FLYWCH1: variants seen among roughly 807,000 people sequenced by gnomAD.
FLYWCH1 encodes the protein FLYWCH-type zinc finger-containing protein 1.
Under a neutral mutation model 66.4 loss-of-function variants are expected in FLYWCH1, and 75 were observed. That is an observed-to-expected ratio of 1.13 (90% confidence interval 0.94 to 1.37). The LOEUF (loss-of-function observed/expected upper bound fraction) is 1.37, where lower values mean the gene tolerates loss of function less well. Ranked by LOEUF, FLYWCH1 falls within the 40% of genes most tolerant of loss-of-function variation. The probability of loss-of-function intolerance (pLI) is 0.00; values close to 1 mark genes in which losing one functional copy is unlikely to be tolerated. For missense variants in FLYWCH1, 1,334 were observed against 1,001.8 expected (o/e 1.33, Z -4.48); for synonymous variants, 595 against 429.9 (o/e 1.38, Z -4.75).
chr16:2,937,144 C>T lies in FLYWCH1; in HGVS notation c.1537C>T (p.Pro513Ser), dbSNP rs1402206915. Reference protein sequence around the residue: ...SPGGPEFLKTPLGGSFLVYES... With the variant: ...SPGGPEFLKTSLGGSFLVYES... ...AGGAGGCCCCGAGTTCCTGAAGACG[C>T]CCCTGGGGGGCAGCTTCCTGGTGTA... is the stretch of plus-strand genomic sequence containing the variant. The change falls in exon 7 of 10, where the codon CCC becomes TCC. Residue 513 changes from proline to serine, a missense_variant. By Grantham distance (74) the Pro-to-Ser change is moderately conservative (BLOSUM62 -1). Coordinates refer to ENST00000253928, the MANE Select transcript of FLYWCH1 (RefSeq NM_001308068.2). The T allele has an allele frequency of 6.2e-7, 1 of 1,608,630 alleles. No homozygotes were observed. The highest frequency in any genetic ancestry group is 2.2e-5 in the East Asian group (1 of 44,780).
At chr16:2,912,665 G>A (rs1471887575) in intron 1 of FLYWCH1, among the ~76,000 whole-genome samples, 1 of 152,168 alleles carries the variant, frequency 6.6e-6, no homozygotes, top group African/African-American at 2.4e-5. Context: ...AAAGGGAGAC[G>A]CTTGTTTAAG....
intron 9 of FLYWCH1, among the ~76,000 whole-genome samples, chr16:2,944,161 C>T (rs572271306): frequency 1.7e-4 from 26 of 151,854 alleles, no homozygotes; most frequent in Middle Eastern, 3.4e-3. Context: ...CTGAGGCGGG[C>T]GGATCACCTG....
intron 2 of FLYWCH1, among the ~76,000 whole-genome samples, chr16:2,916,210 T>G (rs2070161972): frequency 6.6e-6 from 1 of 152,124 alleles, no homozygotes; most frequent in Non-Finnish European, 1.5e-5. Context: ...CTGGGCGTGT[T>G]GGTGCGTGCC....
At chr16:2,934,146 C>T (rs2070897767) in intron 6 of FLYWCH1, among the ~76,000 whole-genome samples, 167 bp downstream of exon 6, 1 of 152,176 alleles carries the variant, frequency 6.6e-6, no homozygotes, top group African/African-American at 2.4e-5. Flanking sequence ...CCCCCTGATG[C>T]CGCTTTCAAT....
chr16:2,945,886 A>T (rs1168432336), intron 9 of FLYWCH1, among the ~76,000 whole-genome samples: 2 of 151,764 alleles, frequency 1.3e-5, no homozygotes, highest in African/African-American at 4.8e-5. Context: ...AGTCCCAGTT[A>T]CTCGGGAGGC....
Position 2,937,281 on chromosome 16 carries a change from G to A in FLYWCH1, c.1674G>A (p.Arg558=). The A allele has an allele frequency of 6.2e-7, 1 of 1,604,856 alleles. No homozygotes were observed. Among genetic ancestry groups the A allele is most frequent in the Non-Finnish European group, 8.5e-7 (1 of 1,176,900 alleles). Reference sequence around the variant, plus strand: ...GCCGCGCCATCACCCAGGGCCGGCGGGTCATGGTCATGCGCAGGCACTGCC... The same window carrying A: ...GCCGCGCCATCACCCAGGGCCGGCGAGTCATGGTCATGCGCAGGCACTGCC... The part of the protein sequence containing the change: ...CRSRAITQGR[R]VMVMRRHCHP... Residue 558 remains arginine, a synonymous_variant, in exon 7 of 10, where the codon CGG becomes CGA. Coordinates refer to ENST00000253928, the MANE Select transcript of FLYWCH1 (RefSeq NM_001308068.2).
At chr16:2,928,299 C>T (rs1043201574) in intron 2 of FLYWCH1, among the ~76,000 whole-genome samples, 1 of 152,202 alleles carries the variant, frequency 6.6e-6, no homozygotes, top group Admixed American at 6.5e-5. Flanking sequence ...CTCCTCAGCA[C>T]AGACCCTTCA....
chr16:2,938,607 GTTTTTT>G (rs35169451), intron 8 of FLYWCH1, among the ~76,000 whole-genome samples, 151 bp downstream of exon 8: 3 of 129,174 alleles, frequency 2.3e-5, no homozygotes, highest in Non-Finnish European at 4.9e-5. Flanking sequence ...ACCAGTCTTT[GTTTTTT>G]TTTTTTTTTT....
intron 9 of FLYWCH1, among the ~76,000 whole-genome samples, chr16:2,945,002 A>C (rs2071421143): frequency 6.6e-6 from 1 of 151,938 alleles, no homozygotes; most frequent in African/African-American, 2.4e-5. Context: ...GACATGGATG[A>C]CCCTGACCCT....
intron 3 of FLYWCH1, 77 bp from the exon 4 acceptor site, chr16:2,930,333 C>A: frequency 1.1e-6 from 1 of 897,292 alleles, no homozygotes; most frequent in South Asian, 1.9e-5. Flanking sequence ...AGGATCCCCA[C>A]GCCCTCCCTG....
chr16:2,950,699 C>T lies in FLYWCH1; in HGVS notation c.*1972C>T, dbSNP rs991226876. 6.6e-6 allele frequency: 1 copy of T among 152,408 alleles called. No individual in the cohort carries two copies. Among genetic ancestry groups the T allele is most frequent in the South Asian group, 2.1e-4 (1 of 4,832 alleles). 9.4% of individuals were successfully genotyped at this position (152,408 alleles called of 1,614,324 possible). On this transcript the variant is annotated 3_prime_UTR_variant, in exon 10 of 10. Coordinates refer to ENST00000253928, the MANE Select transcript of FLYWCH1 (RefSeq NM_001308068.2). ...AATCAGAGGAAGAATATCGGCTTCTCTTCCCTTTTGGATATTTGCGTCATT... is the reference window on the plus strand; with the variant it reads ...AATCAGAGGAAGAATATCGGCTTCTTTTCCCTTTTGGATATTTGCGTCATT...
rs748614493 is a variant in FLYWCH1, at chr16:2,930,613, G to C, written c.529G>C (p.Asp177His). The C allele has an allele frequency of 1.3e-6, 2 of 1,551,364 alleles. No individual in the cohort carries two copies. Among genetic ancestry groups the C allele is most frequent in the East Asian group, 2.4e-5 (1 of 41,062 alleles). The change falls in exon 4 of 10, where the codon GAT becomes CAT. Residue 177 changes from aspartate (D) to histidine (H), a missense_variant. Asp to His is a moderately conservative substitution (Grantham distance 81). Coordinates refer to ENST00000253928, the MANE Select transcript of FLYWCH1 (RefSeq NM_001308068.2). The stretch of plus-strand genomic sequence containing the variant: ...GATGCGGGGCCACTGCCACGCGCCC[G>C]ATGAGCAAGGCCTGGAGGCCCGGCG... ...TVMRGHCHAP[D>H]EQGLEARRQR...
chr16:2,925,346 C>T (rs1288108034), intron 2 of FLYWCH1, among the ~76,000 whole-genome samples: 4 of 152,070 alleles, frequency 2.6e-5, no homozygotes, highest in Non-Finnish European at 4.4e-5. Context: ...CCATCCATTC[C>T]CATACATCCC....
chr16:2,936,624 C>G (rs756166305), intron 6 of FLYWCH1: 7 of 457,794 alleles, frequency 1.5e-5, no homozygotes, highest in Middle Eastern at 3.2e-4. Context: ...CAGGTCCTCC[C>G]TCTCACCACA....
chr16:2,938,618 T>G (rs10220923), intron 8 of FLYWCH1, among the ~76,000 whole-genome samples, 162 bp downstream of exon 8: 38,522 of 112,832 alleles, frequency 0.34, 4,883 homozygotes, highest in Admixed American at 0.37. Context: ...TTTTTTTTTT[T>G]TTTTTTTTTT....
Position 2,933,365 on chromosome 16 carries a change from G to A in FLYWCH1, c.1032G>A (p.Gln344=). 6.2e-7 allele frequency: 1 copy of A among 1,603,768 alleles called. No individual in the cohort carries two copies. The highest frequency in any genetic ancestry group is 2.3e-5 in the East Asian group (1 of 44,334). The change falls in exon 5 of 10, where the codon CAG becomes CAA. Residue 344 remains glutamine (Q), a synonymous_variant. Coordinates refer to ENST00000253928, the MANE Select transcript of FLYWCH1 (RefSeq NM_001308068.2). The part of the protein sequence containing the change: ...DMEGLEARRQ[Q]EKAVETLQAG... ...AGGGCCTGGAAGCCCGGCGGCAGCA[G>A]GAGAAGGCCGTGGAGACGCTGCAGG...
rs1462300810 is a variant in FLYWCH1 at position 2,929,809 on chromosome 16, C to T, written c.124C>T (p.Leu42=). The T allele has an allele frequency of 6.2e-7, 1 of 1,613,986 alleles. No individual in the cohort carries two copies. Among genetic ancestry groups the T allele is most frequent in the South Asian group, 1.1e-5 (1 of 91,088 alleles). Reference sequence around the variant, plus strand: ...CAGGAAGCCCAGGGAGTTCTCCAAACTGGTGCTGCTCACAGCCTCCGACCA... The same window carrying T: ...CAGGAAGCCCAGGGAGTTCTCCAAATTGGTGCTGCTCACAGCCTCCGACCA... ...APRKPREFSK[L]VLLTASDQDE... The change falls in exon 3 of 10, where the codon CTG becomes TTG. Residue 42 remains leucine (L), a synonymous_variant. Coordinates refer to ENST00000253928, the MANE Select transcript of FLYWCH1 (RefSeq NM_001308068.2).
rs1316533879 is a variant in FLYWCH1 at position 2,949,905 on chromosome 16, G to C, written c.*1178G>C. The C allele has an allele frequency of 6.6e-6, 1 of 152,184 alleles. No individual in the cohort carries two copies. The highest frequency in any genetic ancestry group is 6.5e-5 in the Admixed American group (1 of 15,274). The allele number at this position is 152,184 out of a possible 1,614,324, so 9.4% of individuals were successfully genotyped here. A position where few individuals can be genotyped will look rare whatever the true frequency, so the allele number is the denominator to read the frequency against. ...CGTCACATCTCCATGCCAGTGCCCA[G>C]GGGGAGACCCCTCCCCATGCCTGGG... On this transcript the variant is annotated 3_prime_UTR_variant, in exon 10 of 10. Coordinates refer to ENST00000253928, the MANE Select transcript of FLYWCH1 (RefSeq NM_001308068.2).
Position 2,933,530 on chromosome 16 carries a change from G to A in FLYWCH1, c.1197G>A (p.Leu399=), listed in dbSNP as rs373703737. ...GAGCAAAGGTCGAAGACCAGGAGCT[G>A]CCAACCCAGCCCGAGGCCCCAGACG... ...RKRAKVEDQE[L]PTQPEAPDEH... Residue 399 remains leucine (L), a synonymous_variant, in exon 5 of 10, where the codon CTG becomes CTA. Transcript: ENST00000253928. 10 of 1,610,070 alleles carry A rather than the reference G, an allele frequency of 6.2e-6. No homozygotes were observed. Among genetic ancestry groups the A allele is most frequent in the African/African-American group, 1.3e-5 (1 of 74,810 alleles).
Sources: gnomAD v4.1 joint callset for allele counts (sites outside exome capture counted in the v4.1 genomes callset) on GRCh38, gnomAD v4.1.1 for gene constraint, MANE v1.5 for transcripts, NCBI Gene and HGNC (gene_info 2026-07-23, HGNC 2026-07-21) for gene names.